The following MPDZ variants were observed in gnomAD, a reference collection of about 807,000 sequenced individuals.
The protein encoded by MPDZ is multiple PDZ domain protein.
MPDZ carries 234 observed loss-of-function variants against 239.1 expected under a neutral mutation model. The ratio of observed to expected loss-of-function variants is 0.98; its 90% CI spans 0.88 to 1.09. MPDZ has a LOEUF of 1.09. Among genes scored for constraint, MPDZ ranks in the 50% least tolerant of loss-of-function variants. The probability of loss-of-function intolerance (pLI) is 0.00; values close to 1 mark genes in which losing one functional copy is unlikely to be tolerated. For synonymous variants in MPDZ, 1,048 were observed against 881.3 expected, an observed-to-expected ratio of 1.19 and a Z score of -3.35; for missense variants, 3,175 against 2,510.0, an observed-to-expected ratio of 1.26 and a Z score of -5.66.
intron 7 of MPDZ, 135 bp downstream of exon 7, chr9:13,221,237 A>T (rs1457172938): frequency 1.0e-6 from 1 of 968,092 alleles, no homozygotes; most frequent in African/African-American, 1.7e-5. Flanking sequence ...GGGACACTCA[A>T]TAAAACGAAA....
At chr9:13,143,334 A>C (rs1157068355) in intron 27 of MPDZ, 132 bp downstream of exon 27, 1 of 665,664 alleles carries the variant, frequency 1.5e-6, no homozygotes, top group Non-Finnish European at 2.6e-6. Flanking sequence ...CACTCCAAAC[A>C]GCTTTGTTTT....
intron 24 of MPDZ, among the ~76,000 whole-genome samples, 177 bp from the exon 25 acceptor site, chr9:13,150,865 C>T (rs1949073133): frequency 6.6e-6 from 1 of 151,814 alleles, no homozygotes; most frequent in Admixed American, 6.6e-5. Context: ...ATGATACTCT[C>T]AATAGAGTAA....
intron 1 of MPDZ, among the ~76,000 whole-genome samples, chr9:13,267,308 A>T (rs1972003533): frequency 6.6e-6 from 1 of 152,198 alleles, no homozygotes; most frequent in Non-Finnish European, 1.5e-5. Flanking sequence ...CTGTTTTCTT[A>T]AACAAAACCT....
intron 25 of MPDZ, among the ~76,000 whole-genome samples, chr9:13,148,477 T>A (rs1020512567): frequency 1.3e-5 from 2 of 151,982 alleles, no homozygotes; most frequent in Admixed American, 1.3e-4. Context: ...GAAAAGAACA[T>A]TATTAGATCT....
chr9:13,238,697 T>C (rs1588039744), intron 3 of MPDZ, among the ~76,000 whole-genome samples: 2 of 152,200 alleles, frequency 1.3e-5, no homozygotes, highest in Non-Finnish European at 2.9e-5. Context: ...CAAAGAAGGA[T>C]ACCACAATTA....
At chr9:13,178,683 T>C (rs1485826053) in intron 19 of MPDZ, among the ~76,000 whole-genome samples, 1 of 152,176 alleles carries the variant, frequency 6.6e-6, no homozygotes, top group Non-Finnish European at 1.5e-5. Context: ...TTTACAGGTA[T>C]TTATGGTGAC....
intron 21 of MPDZ, among the ~76,000 whole-genome samples, chr9:13,173,892 G>A (rs1203833007): frequency 1.3e-5 from 2 of 152,072 alleles, no homozygotes; most frequent in East Asian, 1.9e-4. Context: ...GAAGGATAAG[G>A]CAGTAGATGG....
At chr9:13,167,378 A>C (rs1330109752) in intron 22 of MPDZ, among the ~76,000 whole-genome samples, 4 of 152,112 alleles carry the variant, frequency 2.6e-5, no homozygotes, top group African/African-American at 9.7e-5. Context: ...TAAAAATAAT[A>C]CTTTTTATAT....
At position 13,123,159 on chromosome 9, in the gene MPDZ, C is replaced by T. The variant is rs765989399; in HGVS notation, c.4947G>A (p.Thr1649=). The part of the protein sequence containing the change: ...LGLSIVGGSD[T]LLGAIIIHEV... ...ACCTCTGGGTGGTGCTCACCAGCAG[C>T]GTGTCTGAACCCCCAACGATGCTCA... Residue 1649 remains threonine, a synonymous_variant, in exon 36 of 47, where the codon ACG becomes ACA. Transcript: ENST00000319217. The T allele has an allele frequency of 2.2e-5, 36 of 1,611,576 alleles. No homozygotes were observed. The highest frequency in any genetic ancestry group is 1.3e-4 in the East Asian group (6 of 44,852).
chr9:13,190,179 C>G lies in MPDZ; in HGVS notation c.2089G>C (p.Gly697Arg). ...VQAPLAMWEA[G>R]IQHIELEKGS... is the part of the protein sequence containing the mutation. ...TTCTCCAGCTCTATGTGCTGAATGCCAGCCTCCCACATGGCCAAAGGTGCT... is the reference window on the plus strand; with the variant it reads ...TTCTCCAGCTCTATGTGCTGAATGCGAGCCTCCCACATGGCCAAAGGTGCT... Residue 697 changes from glycine (G) to arginine (R), a missense_variant, in exon 16 of 47, where the codon GGC (glycine) becomes CGC (arginine). Coordinates refer to ENST00000319217, the MANE Select transcript of MPDZ (RefSeq NM_001378778.1). 1 of 1,613,244 alleles carries G rather than the reference C, an allele frequency of 6.2e-7. No individual in the cohort carries two copies. The highest frequency in any genetic ancestry group is 8.5e-7 in the Non-Finnish European group (1 of 1,179,528).
rs369698126 is a variant in MPDZ at position 13,163,967 on chromosome 9, G to C, written c.3255-1172C>G. ...TCGGAAGACACAGTTCTGCTACCACGCAGAGTGTCATGGGGTAAATCACCA... is the reference window on the plus strand; with the variant it reads ...TCGGAAGACACAGTTCTGCTACCACCCAGAGTGTCATGGGGTAAATCACCA... On this transcript the variant is annotated intron_variant, in intron 22 of 46. Coordinates refer to ENST00000319217, the MANE Select transcript of MPDZ (RefSeq NM_001378778.1). 3.3e-5 allele frequency among the ~76,000 whole-genome samples: 5 copies of C among 152,240 alleles called. No homozygotes were observed. In the East Asian group the frequency reaches 7.7e-4, roughly 24 times the overall value.
In MPDZ at chr9:13,279,442, G is replaced by C. The variant is rs1287908864; in HGVS notation, c.-100C>G. 1 of 148,190 alleles carries C rather than the reference G, an allele frequency of 6.7e-6. No homozygotes were observed. The highest frequency in any genetic ancestry group is 1.5e-5 in the Non-Finnish European group (1 of 66,610). 9.2% of individuals were successfully genotyped at this position (148,190 alleles called of 1,614,324 possible). A position where few individuals can be genotyped will look rare whatever the true frequency, so the allele number is the denominator to read the frequency against. On this transcript the variant is annotated 5_prime_UTR_variant, in exon 1 of 47. Coordinates refer to ENST00000319217, the MANE Select transcript of MPDZ (RefSeq NM_001378778.1). ...CCCAGGGCCGCGACGCGAGGGGGCG[G>C]AGGACTGGGGAGCAGGGGTCGCCGG...
intron 32 of MPDZ, among the ~76,000 whole-genome samples, chr9:13,130,047 T>C (rs1476976382): frequency 6.6e-6 from 1 of 152,176 alleles, no homozygotes. Flanking sequence ...TAAACTTGTA[T>C]GGATATGAAA....
intron 12 of MPDZ, among the ~76,000 whole-genome samples, chr9:13,198,026 T>A (rs1014793781): frequency 6.6e-6 from 1 of 152,136 alleles, no homozygotes; most frequent in African/African-American, 2.4e-5. Context: ...TTCCATATCT[T>A]AGCCATAGTG....
intron 24 of MPDZ, among the ~76,000 whole-genome samples, chr9:13,152,933 G>A (rs1949373762): frequency 6.6e-6 from 1 of 152,130 alleles, no homozygotes; most frequent in South Asian, 2.1e-4. Context: ...CTTTGGCCTA[G>A]ATGAGTCAGA....
chr9:13,253,877 T>C (rs879309574), intron 1 of MPDZ, among the ~76,000 whole-genome samples: 2 of 152,178 alleles, frequency 1.3e-5, no homozygotes, highest in Non-Finnish European at 2.9e-5. Flanking sequence ...ATTCAAATCA[T>C]GCTTCCAATT....
intron 4 of MPDZ, among the ~76,000 whole-genome samples, 178 bp downstream of exon 4, chr9:13,224,193 AATG>A (rs1344803059): frequency 9.2e-5 from 14 of 152,134 alleles, no homozygotes; most frequent in African/African-American, 2.9e-4. Flanking sequence ...CTCAAATTTA[AATG>A]ATGATAAAAC....
Position 13,183,685 on chromosome 9 carries a change from T to C in MPDZ, c.2482-100A>G. On this transcript the variant is annotated intron_variant, in intron 18 of 46. Coordinates refer to ENST00000319217, the MANE Select transcript of MPDZ (RefSeq NM_001378778.1). ...TAAAAGGCAAACTGGTATCATTCTTTTATCTATTGTATTTTCTATATGCCC... is the reference window on the plus strand; with the variant it reads ...TAAAAGGCAAACTGGTATCATTCTTCTATCTATTGTATTTTCTATATGCCC... 2.6e-6 allele frequency: 3 copies of C among 1,132,354 alleles called. No homozygotes were observed. The South Asian group carries it at 4.0e-5, about 15-fold the overall frequency. 70.1% of individuals were successfully genotyped at this position (1,132,354 alleles called of 1,614,324 possible).
intron 1 of MPDZ, among the ~76,000 whole-genome samples, chr9:13,259,674 G>C (rs910923774): frequency 2.0e-5 from 3 of 152,094 alleles, no homozygotes; most frequent in Non-Finnish European, 2.9e-5. Context: ...CCACATAAAT[G>C]CAAGAGTGCA....
Sources: allele counts gnomAD v4.1 joint callset (sites outside exome capture counted in the v4.1 genomes callset), GRCh38; gene constraint gnomAD v4.1.1; transcripts MANE v1.5; gene names NCBI Gene and HGNC (gene_info 2026-07-23, HGNC 2026-07-21).